The following PELI2 variants were observed in gnomAD, a reference collection of about 807,000 sequenced individuals.
PELI2 encodes pellino E3 ubiquitin protein ligase family member 2, also known as E3 ubiquitin-protein ligase pellino homolog 2.
A neutral mutation model predicts 42.3 loss-of-function variants in PELI2; 23 were observed. That is an observed-to-expected ratio of 0.54 (90% CI 0.39 to 0.77). The LOEUF (loss-of-function observed/expected upper bound fraction) is 0.77, where lower values mean the gene tolerates loss of function less well. Among genes scored for constraint, PELI2 ranks in the 30% least tolerant of loss-of-function variants. The pLI, the probability that PELI2 is intolerant of heterozygous loss-of-function variation, is 0.00. For missense variants in PELI2, 463 were observed against 553.2 expected, an observed-to-expected ratio of 0.84 and a Z score of 1.64; for synonymous variants, 245 against 212.2, an observed-to-expected ratio of 1.15 and a Z score of -1.34.
chr14:56,206,001 AC>A (rs34269984), intron 2 of PELI2, among the ~76,000 whole-genome samples: 61,173 of 152,028 alleles, frequency 0.4, 13,010 homozygotes, highest in South Asian at 0.53. Flanking sequence ...ACTACAGATA[AC>A]CTACCAAATA....
intron 1 of PELI2, among the ~76,000 whole-genome samples, chr14:56,122,432 C>CA (rs1164238318): frequency 6.6e-6 from 1 of 152,140 alleles, no homozygotes; most frequent in African/African-American, 2.4e-5. Flanking sequence ...CACTTTAAGA[C>CA]AGATTCCAGC....
intron 2 of PELI2, among the ~76,000 whole-genome samples, chr14:56,263,288 A>T (rs945499724): frequency 2.6e-5 from 4 of 152,064 alleles, no homozygotes; most frequent in Admixed American, 2.6e-4. Flanking sequence ...TTTACCCCAC[A>T]TTTCTTTTAA....
chr14:56,280,649 T>G (rs1237599451), intron 3 of PELI2, among the ~76,000 whole-genome samples: 2 of 152,048 alleles, frequency 1.3e-5, no homozygotes, highest in African/African-American at 4.8e-5. Flanking sequence ...GAATAAACAT[T>G]TAAATATAAA....
intron 2 of PELI2, among the ~76,000 whole-genome samples, chr14:56,216,758 G>A (rs368908239): frequency 1.3e-5 from 2 of 152,170 alleles, no homozygotes; most frequent in Non-Finnish European, 2.9e-5. Context: ...ATGTCATCAG[G>A]GCTCAGTGTT....
At position 56,156,844 on chromosome 14, in the gene PELI2, C is replaced by T. The variant is rs547041630; in HGVS notation, c.78-21491C>T. On this transcript the variant is annotated intron_variant, in intron 1 of 5. Transcript: ENST00000267460. ...ATTATACCTATAAGGTCATTTGTAG[C>T]TCTCAAACTGTGCCTCTCTGTGTAA... Among the ~76,000 whole-genome samples the T allele has an allele frequency of 1.9e-4, 29 of 152,326 alleles. No individual in the cohort carries two copies. The East Asian group carries it at 5.6e-3, about 29-fold the overall frequency.
chr14:56,179,596 T>C (rs1594614610), intron 2 of PELI2, among the ~76,000 whole-genome samples: 1 of 151,914 alleles, frequency 6.6e-6, no homozygotes, highest in East Asian at 1.9e-4. Context: ...AAAAGAGAAA[T>C]AAACTAAACA....
intron 1 of PELI2, among the ~76,000 whole-genome samples, chr14:56,145,566 C>T (rs1884084058): frequency 6.6e-6 from 1 of 152,172 alleles, no homozygotes; most frequent in Admixed American, 6.6e-5. Context: ...AGGTTTTATA[C>T]CTTTGAGAGC....
intron 2 of PELI2, among the ~76,000 whole-genome samples, chr14:56,277,591 CAG>C (rs1235729522): frequency 6.6e-6 from 1 of 152,000 alleles, no homozygotes; most frequent in Non-Finnish European, 1.5e-5. Flanking sequence ...CCCCCTGATC[CAG>C]TCCATGGAAA....
chr14:56,153,809 A>G (rs1237584579), intron 1 of PELI2, among the ~76,000 whole-genome samples: 3 of 152,130 alleles, frequency 2.0e-5, no homozygotes, highest in East Asian at 3.9e-4. Flanking sequence ...TTCTTGTGCT[A>G]GAGATAATGT....
chr14:56,208,481 T>G (rs536732150), intron 2 of PELI2, among the ~76,000 whole-genome samples: 3 of 152,348 alleles, frequency 2.0e-5, no homozygotes, highest in African/African-American at 4.8e-5. Context: ...CCTTTTTTCC[T>G]TGTGTTGACA....
At chr14:56,137,569 A>G (rs1486483526) in intron 1 of PELI2, among the ~76,000 whole-genome samples, 1 of 152,142 alleles carries the variant, frequency 6.6e-6, no homozygotes, top group Non-Finnish European at 1.5e-5. Context: ...TATAGAAAGG[A>G]GCAATGTAGA....
chr14:56,193,207 T>C (rs1382810679), intron 2 of PELI2, among the ~76,000 whole-genome samples: 1 of 152,126 alleles, frequency 6.6e-6, no homozygotes, highest in Non-Finnish European at 1.5e-5. Context: ...CTTCCCAGAG[T>C]TGGAGGCACA....
At chr14:56,119,913 A>G in intron 1 of PELI2, 2 of 883,888 alleles carry the variant, frequency 2.3e-6, no homozygotes, top group Non-Finnish European at 2.7e-6. Flanking sequence ...GACTCAGGGA[A>G]CTTTGCAAAA....
intron 2 of PELI2, among the ~76,000 whole-genome samples, chr14:56,183,208 C>T (rs1250044513): frequency 1.3e-5 from 2 of 152,008 alleles, no homozygotes; most frequent in Middle Eastern, 6.8e-3. Flanking sequence ...ATGTCATAAA[C>T]ATGAATATTC....
At chr14:56,198,771 G>A (rs1239933393) in intron 2 of PELI2, among the ~76,000 whole-genome samples, 1 of 152,188 alleles carries the variant, frequency 6.6e-6, no homozygotes, top group Non-Finnish European at 1.5e-5. Context: ...AGATGACCCA[G>A]TATGGTGGGA....
At chr14:56,143,292 A>ACTAAGTGTATG (rs1883984635) in intron 1 of PELI2, among the ~76,000 whole-genome samples, 1 of 152,248 alleles carries the variant, frequency 6.6e-6, no homozygotes, top group Non-Finnish European at 1.5e-5. Context: ...TTAGTGTATC[A>ACTAAGTGTATG]CAGCAGGATA....
At chr14:56,145,788 T>A (rs1884093336) in intron 1 of PELI2, among the ~76,000 whole-genome samples, 1 of 152,214 alleles carries the variant, frequency 6.6e-6, no homozygotes. Flanking sequence ...TATATTCTAG[T>A]GTACTGTTTC....
At chr14:56,196,196 C>T (rs2139697200) in intron 2 of PELI2, among the ~76,000 whole-genome samples, 1 of 152,202 alleles carries the variant, frequency 6.6e-6, no homozygotes, top group African/African-American at 2.4e-5. Context: ...AGGAGTAACT[C>T]CCCACCCCTC....
intron 2 of PELI2, among the ~76,000 whole-genome samples, chr14:56,227,825 G>A (rs1887414056): frequency 6.6e-6 from 1 of 152,180 alleles, no homozygotes; most frequent in Admixed American, 6.5e-5. Flanking sequence ...AAGTAAGAGA[G>A]TGCTCAAAAA....
Sources: allele counts gnomAD v4.1 joint callset (sites outside exome capture counted in the v4.1 genomes callset), GRCh38; gene constraint gnomAD v4.1.1; transcripts MANE v1.5; gene names NCBI Gene and HGNC (gene_info 2026-07-23, HGNC 2026-07-21).